The following RBFOX1 variants were observed in gnomAD, a reference collection of about 807,000 sequenced individuals.
RBFOX1 encodes the protein RNA binding fox-1 homolog 1, also known as RNA binding protein fox-1 homolog 1.
A neutral mutation model predicts 57.7 loss-of-function variants in RBFOX1; 8 were observed. That is an observed-to-expected ratio of 0.14 (90% CI 0.08 to 0.25). The LOEUF (loss-of-function observed/expected upper bound fraction) is 0.25. RBFOX1 is among the 10% of genes least tolerant of loss of function. RBFOX1 has a pLI of 1.00. For missense variants in RBFOX1, 611 were observed against 548.5 expected, an observed-to-expected ratio of 1.11 and a Z score of -1.14; for synonymous variants, 326 against 222.4, an observed-to-expected ratio of 1.47 and a Z score of -4.15.
intron 4 of RBFOX1, among the ~76,000 whole-genome samples, chr16:5,921,535 A>G (rs996271449): frequency 6.6e-6 from 1 of 152,184 alleles, no homozygotes; most frequent in Non-Finnish European, 1.5e-5. Context: ...GGAGCCAGTC[A>G]CTGATATTGA....
At chr16:6,797,457 G>C (rs181859332) in intron 3 of RBFOX1, among the ~76,000 whole-genome samples, 99 of 152,268 alleles carry the variant, frequency 6.5e-4, no homozygotes, top group South Asian at 1.2e-3. Flanking sequence ...AGATAAAACA[G>C]TTAAACACAT....
At chr16:7,709,639 T>C (rs540979006) in intron 15 of RBFOX1, 3 of 1,528,628 alleles carry the variant, frequency 2.0e-6, no homozygotes, top group South Asian at 2.4e-5. Context: ...GGAAAGAAAA[T>C]AGAGAGGGGC....
At chr16:7,526,276 T>A (rs1264981607) in intron 5 of RBFOX1, among the ~76,000 whole-genome samples, 1 of 152,216 alleles carries the variant, frequency 6.6e-6, no homozygotes, top group Non-Finnish European at 1.5e-5. Flanking sequence ...TGGGGACTGC[T>A]GCCCTAGAGG....
chr16:5,637,236 C>G (rs987223095), intron 3 of RBFOX1, among the ~76,000 whole-genome samples: 5 of 152,194 alleles, frequency 3.3e-5, no homozygotes, highest in Non-Finnish European at 7.3e-5. Flanking sequence ...TTCAAGCAGC[C>G]TCCAACAATT....
At chr16:6,110,127 A>G (rs1342652001) in intron 1 of RBFOX1, among the ~76,000 whole-genome samples, 1 of 151,886 alleles carries the variant, frequency 6.6e-6, no homozygotes. Flanking sequence ...ATGGATAAGT[A>G]CATCTATTTT....
At chr16:5,598,556 C>G (rs1596387163) in intron 2 of RBFOX1, among the ~76,000 whole-genome samples, 1 of 152,038 alleles carries the variant, frequency 6.6e-6, no homozygotes, top group African/African-American at 2.4e-5. Context: ...TATTAAATGT[C>G]TTTCTAACAT....
intron 14 of RBFOX1, among the ~76,000 whole-genome samples, chr16:7,703,767 G>A (rs779954676): frequency 6.6e-6 from 1 of 152,154 alleles, no homozygotes; most frequent in East Asian, 1.9e-4. Context: ...TATTCATTTT[G>A]CTCCAACACA....
chr16:6,911,346 A>G (rs151001413), intron 3 of RBFOX1, among the ~76,000 whole-genome samples: 2 of 152,118 alleles, frequency 1.3e-5, no homozygotes, highest in Non-Finnish European at 2.9e-5. Context: ...CAGAAGTCCA[A>G]GATCAAGGTG....
At chr16:5,284,380 G>A (rs1596389654) in intron 1 of RBFOX1, among the ~76,000 whole-genome samples, 5 of 152,124 alleles carry the variant, frequency 3.3e-5, no homozygotes, top group Admixed American at 2.6e-4. Flanking sequence ...TCCTTTGTGT[G>A]TCTGCTCTAT....
chr16:5,293,141 C>G (rs368755019), intron 1 of RBFOX1, among the ~76,000 whole-genome samples: 3 of 151,746 alleles, frequency 2.0e-5, no homozygotes, highest in Non-Finnish European at 2.9e-5. Flanking sequence ...GGCAACATGA[C>G]GAGACCCTAT....
At chr16:6,884,528 T>C (rs1170710036) in intron 3 of RBFOX1, among the ~76,000 whole-genome samples, 1 of 152,204 alleles carries the variant, frequency 6.6e-6, no homozygotes, top group Non-Finnish European at 1.5e-5. Context: ...ACATGTTACA[T>C]GTACATCATC....
At chr16:6,713,548 T>G (rs11077075) in intron 3 of RBFOX1, among the ~76,000 whole-genome samples, 9,042 of 152,118 alleles carry the variant, frequency 0.059, 329 homozygotes, top group African/African-American at 0.087. Flanking sequence ...CCCTCCCCAG[T>G]TGAGACAACC....
chr16:5,651,896 G>T (rs539394063), intron 3 of RBFOX1, among the ~76,000 whole-genome samples: 1 of 152,268 alleles, frequency 6.6e-6, no homozygotes, highest in South Asian at 2.1e-4. Context: ...CATTCGGAAG[G>T]CCAAGGCAGG....
At chr16:6,323,296 GTTC>G (rs1266446015) in intron 2 of RBFOX1, among the ~76,000 whole-genome samples, 1 of 152,150 alleles carries the variant, frequency 6.6e-6, no homozygotes. Context: ...TGTCAGCCTC[GTTC>G]TTCTTCATCA....
chr16:5,705,734 G>C (rs1030059511), intron 3 of RBFOX1, among the ~76,000 whole-genome samples: 1 of 152,170 alleles, frequency 6.6e-6, no homozygotes. Flanking sequence ...AAGCAAAGCA[G>C]GTGGGCTTTT....
At chr16:7,197,998 C>CTTTCTTTCTTTCTTTT (rs61556349) in intron 4 of RBFOX1, among the ~76,000 whole-genome samples, 2 of 55,598 alleles carry the variant, frequency 3.6e-5, no homozygotes, top group Admixed American at 2.7e-4. Flanking sequence ...TTCTTTCTTT[C>CTTTCTTTCTTTCTTTT]TTTTTTTTTT....
intron 4 of RBFOX1, among the ~76,000 whole-genome samples, chr16:7,197,277 T>C (rs2086945367): frequency 6.6e-6 from 1 of 152,140 alleles, no homozygotes; most frequent in South Asian, 2.1e-4. Flanking sequence ...TGAGCAGCTA[T>C]TGCTTCATGT....
intron 11 of RBFOX1, among the ~76,000 whole-genome samples, chr16:7,645,597 G>C (rs375964066): frequency 2.6e-5 from 4 of 152,220 alleles, no homozygotes; most frequent in African/African-American, 7.2e-5. Flanking sequence ...TGTAATGTCA[G>C]TGTTGAGATT....
intron 7 of RBFOX1, among the ~76,000 whole-genome samples, chr16:7,592,784 T>C (rs1462709568): frequency 1.3e-5 from 2 of 152,132 alleles, no homozygotes; most frequent in Admixed American, 6.5e-5. Context: ...CAAAAATCTA[T>C]AGATATCAGC....
Sources: gnomAD v4.1 joint callset for allele counts (sites outside exome capture counted in the v4.1 genomes callset) on GRCh38, gnomAD v4.1.1 for gene constraint, MANE v1.5 for transcripts, NCBI Gene and HGNC (gene_info 2026-07-23, HGNC 2026-07-21) for gene names.